Variants in RC3H1 observed in about 807,000 individuals in gnomAD.
RC3H1 encodes the protein roquin-1.
RC3H1 carries 50 observed loss-of-function variants against 138.2 expected under a neutral mutation model. The observed-to-expected ratio is 0.36, with a 90% confidence interval of 0.29 to 0.46. RC3H1 has a LOEUF of 0.46. Ranked by LOEUF, RC3H1 falls within the 20% of genes least tolerant of loss-of-function variation. RC3H1 has a pLI of 1.00. For missense variants in RC3H1, 1,031 were observed against 1,388.1 expected (o/e 0.74, Z 4.09); for synonymous variants, 462 against 489.1 (o/e 0.94, Z 0.73).
chr1:173,992,665 GCAC>G, intron 2 of RC3H1, 87 bp downstream of exon 2: 1 of 928,988 alleles, frequency 1.1e-6, no homozygotes, highest in Non-Finnish European at 1.6e-6. Context: ...AGAAAAACAC[GCAC>G]AACACACACA....
intron 14 of RC3H1, among the ~76,000 whole-genome samples, chr1:173,949,179 C>T (rs1162151972): frequency 6.8e-6 from 1 of 147,772 alleles, no homozygotes; most frequent in Admixed American, 6.8e-5. Context: ...TATTAGATAT[C>T]ACTTCACTCA....
At chr1:174,019,934 A>G (rs917082341) in intron 1 of RC3H1, among the ~76,000 whole-genome samples, 10 of 152,174 alleles carry the variant, frequency 6.6e-5, no homozygotes, top group African/African-American at 2.4e-4. Context: ...TTTCAGGAAA[A>G]TGATATTAAA....
intron 1 of RC3H1, among the ~76,000 whole-genome samples, chr1:174,017,810 A>AAAC (rs1661889930): frequency 6.8e-6 from 1 of 146,126 alleles, no homozygotes; most frequent in African/African-American, 2.5e-5. Flanking sequence ...AAAAAAAAAA[A>AAAC]CTGCTACCAT....
chr1:174,006,370 C>T (rs1215726784), intron 1 of RC3H1, among the ~76,000 whole-genome samples: 1 of 152,116 alleles, frequency 6.6e-6, no homozygotes, highest in Non-Finnish European at 1.5e-5. Flanking sequence ...AAAAGAAGGG[C>T]GTTTGACTGC....
At chr1:173,959,768 T>G (rs1659790046) in intron 13 of RC3H1, among the ~76,000 whole-genome samples, 1 of 149,266 alleles carries the variant, frequency 6.7e-6, no homozygotes, top group African/African-American at 2.5e-5. Context: ...ACACTCTGTC[T>G]CAGAAAAAAG....
intron 13 of RC3H1, among the ~76,000 whole-genome samples, chr1:173,956,528 G>A (rs1479150185): frequency 2.0e-5 from 3 of 151,954 alleles, no homozygotes; most frequent in African/African-American, 7.3e-5. Context: ...GCGTGGTGGT[G>A]CATGCCTATA....
intron 1 of RC3H1, among the ~76,000 whole-genome samples, chr1:174,002,736 G>A (rs1393501236): frequency 6.6e-6 from 1 of 152,090 alleles, no homozygotes; most frequent in Non-Finnish European, 1.5e-5. Context: ...TACAAAAGCT[G>A]CCCTTTTCTA....
intron 2 of RC3H1, among the ~76,000 whole-genome samples, chr1:173,990,085 A>AT (rs369955533): frequency 0.11 from 16,053 of 141,702 alleles, 996 homozygotes; most frequent in East Asian, 0.33. Context: ...ATAGTTTTAC[A>AT]TTTTTTTTTT....
intron 14 of RC3H1, among the ~76,000 whole-genome samples, chr1:173,950,142 C>A (rs890686725): frequency 6.6e-6 from 1 of 151,874 alleles, no homozygotes; most frequent in African/African-American, 2.4e-5. Context: ...GCACTCCAGC[C>A]TGGGTACAGA....
At chr1:173,985,222 AG>A (rs1660977320) in intron 2 of RC3H1, among the ~76,000 whole-genome samples, 1 of 152,204 alleles carries the variant, frequency 6.6e-6, no homozygotes, top group Non-Finnish European at 1.5e-5. Context: ...ACAGACATAT[AG>A]GTTGTTTCTA....
intron 6 of RC3H1, 81 bp downstream of exon 6, chr1:173,980,728 T>G: frequency 9.9e-7 from 1 of 1,014,060 alleles, no homozygotes; most frequent in Non-Finnish European, 1.5e-6. Flanking sequence ...CTATACAGTA[T>G]TCACTTTAAT....
intron 1 of RC3H1, among the ~76,000 whole-genome samples, chr1:173,999,366 G>A (rs1661519585): frequency 7.6e-6 from 1 of 130,802 alleles, no homozygotes; most frequent in South Asian, 2.5e-4. Context: ...GGCAATGAGA[G>A]CAAAACTCCA....
chr1:173,972,498 A>C lies in RC3H1; in HGVS notation c.1221+11T>G, dbSNP rs200251566. On this transcript the variant is annotated intron_variant, in intron 8 of 19. Coordinates refer to ENST00000367696, the MANE Select transcript of RC3H1 (RefSeq NM_172071.4). ...AGTGGGTTAACTCTAAGTTTTAAAC[A>C]GCTTCCTTACCTGCTGCTGATCTGC... The C allele has an allele frequency of 5.8e-5, 92 of 1,598,102 alleles. No individual in the cohort carries two copies. The East Asian group carries it at 1.9e-3, about 34-fold the overall frequency.
At chr1:174,004,794 A>T (rs60689957) in intron 1 of RC3H1, among the ~76,000 whole-genome samples, 11,070 of 152,184 alleles carry the variant, frequency 0.073, 605 homozygotes, top group East Asian at 0.32. Context: ...AAAAGAAAAA[A>T]GTCTATCGGG....
intron 9 of RC3H1, among the ~76,000 whole-genome samples, chr1:173,966,164 A>G (rs1660106874): frequency 6.6e-6 from 1 of 152,096 alleles, no homozygotes; most frequent in Non-Finnish European, 1.5e-5. Context: ...GCAATTAAGG[A>G]TAGTGACTTT....
At chr1:173,965,610 T>C (rs1660082727) in intron 9 of RC3H1, among the ~76,000 whole-genome samples, 1 of 152,100 alleles carries the variant, frequency 6.6e-6, no homozygotes, top group Non-Finnish European at 1.5e-5. Context: ...GTAACATTTG[T>C]CATATTATAA....
chr1:174,008,470 G>A (rs1006197726), intron 1 of RC3H1, among the ~76,000 whole-genome samples: 4 of 152,054 alleles, frequency 2.6e-5, no homozygotes, highest in African/African-American at 9.7e-5. Context: ...GGAGGGAGAA[G>A]GAGGAAGAGG....
chr1:173,955,543 TCTC>T (rs957059748), intron 13 of RC3H1, among the ~76,000 whole-genome samples: 2 of 151,104 alleles, frequency 1.3e-5, no homozygotes, highest in African/African-American at 4.9e-5. Context: ...ATGGTCTTGA[TCTC>T]CTGACCTCAT....
chr1:173,990,180 C>T lies in RC3H1; in HGVS notation c.231+2575G>A, dbSNP rs186107483. Among the ~76,000 whole-genome samples the T allele has an allele frequency of 8.8e-4, 133 of 151,174 alleles. 1 individual carries two copies. Among genetic ancestry groups the T allele is most frequent in the African/African-American group, 2.9e-3 (121 of 41,130 alleles). On this transcript the variant is annotated intron_variant, in intron 2 of 19. Coordinates refer to ENST00000367696, the MANE Select transcript of RC3H1 (RefSeq NM_172071.4). Reference sequence around the variant, plus strand: ...GCAACCTCCCTCTCCTGGGTTCAAGCGAGTCTCATGCCTCAGCCCCGAGTA... The same window carrying T: ...GCAACCTCCCTCTCCTGGGTTCAAGTGAGTCTCATGCCTCAGCCCCGAGTA...
Sources: allele counts gnomAD v4.1 joint callset (sites outside exome capture counted in the v4.1 genomes callset), GRCh38; gene constraint gnomAD v4.1.1; transcripts MANE v1.5; gene names NCBI Gene and HGNC (gene_info 2026-07-23, HGNC 2026-07-21).